ZSWIM3: variants seen among roughly 807,000 people sequenced by gnomAD.
ZSWIM3 encodes zinc finger SWIM domain-containing protein 3.
ZSWIM3 carries 27 observed loss-of-function variants against 47.5 expected under a neutral mutation model. That is an observed-to-expected ratio of 0.57 (90% confidence interval 0.42 to 0.78). The LOEUF (loss-of-function observed/expected upper bound fraction) is 0.78. Ranked by LOEUF, ZSWIM3 falls within the 30% of genes least tolerant of loss-of-function variation. ZSWIM3 has a pLI of 0.00. For missense variants in ZSWIM3, 689 were observed against 861.3 expected, an observed-to-expected ratio of 0.80 and a Z score of 2.50; for synonymous variants, 333 against 333.9, an observed-to-expected ratio of 1.00 and a Z score of 0.03.
In ZSWIM3 at chr20:45,877,037, A is replaced by G; in HGVS notation, c.479A>G (p.Lys160Arg). 1 of 1,614,208 alleles carries G rather than the reference A, an allele frequency of 6.2e-7. No homozygotes were observed. ...CTAGATAAGGTACAAGTGTCCTCAA[A>G]GCCAGAGCAGGAAGGCATCACTCCT... ...FCLDKVQVSS[K>R]PEQEGITPSD... Residue 160 changes from lysine to arginine, a missense_variant, in exon 2 of 2, where the codon AAG becomes AGG. By Grantham distance (26) the Lys-to-Arg change is conservative. Transcript: ENST00000255152.
intron 1 of ZSWIM3, among the ~76,000 whole-genome samples, chr20:45,873,829 A>C (rs61053751): frequency 0.044 from 6,705 of 152,290 alleles, 303 homozygotes; most frequent in South Asian, 0.11. Context: ...CTTATAGATA[A>C]ATGCTATGAA....
intron 1 of ZSWIM3, among the ~76,000 whole-genome samples, chr20:45,871,744 C>T (rs972889328): frequency 6.6e-6 from 1 of 151,066 alleles, no homozygotes; most frequent in Admixed American, 6.6e-5. Flanking sequence ...CACCTGTAAT[C>T]CCAGCTCTTG....
chr20:45,868,369 T>C (rs1265803224), intron 1 of ZSWIM3, among the ~76,000 whole-genome samples: 1 of 152,182 alleles, frequency 6.6e-6, no homozygotes, highest in Non-Finnish European at 1.5e-5. Flanking sequence ...GGCAAAACCA[T>C]CTTTTGTATG....
intron 1 of ZSWIM3, among the ~76,000 whole-genome samples, chr20:45,858,718 G>A (rs1043492276): frequency 6.6e-6 from 1 of 152,060 alleles, no homozygotes; most frequent in Non-Finnish European, 1.5e-5. Flanking sequence ...TATATTAACC[G>A]TTTTCAAACA....
Position 45,857,795 on chromosome 20 carries a change from C to A in ZSWIM3, c.-31C>A. On this transcript the variant is annotated 5_prime_UTR_variant, in exon 1 of 2. Transcript: ENST00000255152. ...GTGTGATCTTGGGCCCGGGCTGGGA[C>A]CAGCCCCTAGTGTGGGTTGTGGGGG... is the stretch of plus-strand genomic sequence containing the variant. 1 of 1,609,420 alleles carries A rather than the reference C, an allele frequency of 6.2e-7. No individual in the cohort carries two copies. Among genetic ancestry groups the A allele is most frequent in the Non-Finnish European group, 8.5e-7 (1 of 1,177,020 alleles).
At chr20:45,858,476 G>A (rs1985604831) in intron 1 of ZSWIM3, among the ~76,000 whole-genome samples, 1 of 152,128 alleles carries the variant, frequency 6.6e-6, no homozygotes, top group Non-Finnish European at 1.5e-5. Flanking sequence ...TCAACTGCTG[G>A]GCTCAAGCGA....
intron 1 of ZSWIM3, among the ~76,000 whole-genome samples, chr20:45,863,185 GTTTGTTTGTTTT>G (rs1985753933): frequency 3.5e-5 from 5 of 144,406 alleles, no homozygotes; most frequent in South Asian, 4.4e-4. Flanking sequence ...TTTTTTGTTT[GTTTGTTTGTTTT>G]TTTGTTTGTT....
At position 45,864,101 on chromosome 20, in the gene ZSWIM3, C is replaced by G. The variant is rs184759051; in HGVS notation, c.155+6121C>G. Among the ~76,000 whole-genome samples the G allele has an allele frequency of 2.9e-3, 443 of 152,322 alleles. 1 individual carries two copies. The highest frequency in any genetic ancestry group is 1.0e-2 in the African/African-American group (415 of 41,558). ...GGGCTCTAATAGTTTTCTAATGTCACTTGTCCATTTTTCCCTCAACAAACT... is the reference window on the plus strand; with the variant it reads ...GGGCTCTAATAGTTTTCTAATGTCAGTTGTCCATTTTTCCCTCAACAAACT... On this transcript the variant is annotated intron_variant, in intron 1 of 1. Transcript: ENST00000255152.
At chr20:45,872,789 T>C (rs1174095956) in intron 1 of ZSWIM3, 2 of 1,289,196 alleles carry the variant, frequency 1.6e-6, no homozygotes, top group Non-Finnish European at 2.0e-6. Context: ...GGCCCAGAGC[T>C]AGAGATGGCA....
At chr20:45,875,035 CTTTTTTTTTT>C (rs35356697) in intron 1 of ZSWIM3, among the ~76,000 whole-genome samples, 9 of 90,542 alleles carry the variant, frequency 9.9e-5, no homozygotes, top group Non-Finnish European at 1.2e-4. Context: ...TTAATTTTAA[CTTTTTTTTTT>C]TTTTTTTTTT....
intron 1 of ZSWIM3, among the ~76,000 whole-genome samples, chr20:45,858,875 G>T (rs777014420): frequency 6.6e-5 from 10 of 152,162 alleles, no homozygotes; most frequent in Non-Finnish European, 1.2e-4. Flanking sequence ...TAAGACAGGA[G>T]TTGAAAACTC....
Position 45,876,823 on chromosome 20 carries a change from G to A in ZSWIM3, c.265G>A (p.Asp89Asn). The change falls in exon 2 of 2, where the codon GAT becomes AAT. Residue 89 changes from aspartate to asparagine, a missense_variant. Asp to Asn is a conservative substitution (Grantham distance 23). Coordinates refer to ENST00000255152, the MANE Select transcript of ZSWIM3 (RefSeq NM_080752.4). ...YLLLRYNERL[D>N]RLFISELNTQ... ...GCTCCTAAGGTACAACGAGAGACTA[G>A]ATAGACTATTTATCAGTGAACTAAA... 6.2e-7 allele frequency: 1 copy of A among 1,614,172 alleles called. No homozygotes were observed.
chr20:45,878,058 G>T lies in ZSWIM3; in HGVS notation c.1500G>T (p.Gln500His). The change falls in exon 2 of 2, where the codon CAG becomes CAT. Residue 500 changes from glutamine to histidine, a missense_variant. By Grantham distance (24) the Gln-to-His change is conservative (BLOSUM62 0). Coordinates refer to ENST00000255152, the MANE Select transcript of ZSWIM3 (RefSeq NM_080752.4). Reference sequence around the variant, plus strand: ...TTGGCATGCTGGACACCTTGCACCAGAGTGGCTCTGAACTAGCCTACAAGC... The same window carrying T: ...TTGGCATGCTGGACACCTTGCACCATAGTGGCTCTGAACTAGCCTACAAGC... The part of the protein sequence containing the change: ...SQVGMLDTLH[Q>H]SGSELAYKLC... 2 of 1,614,188 alleles carry T rather than the reference G, an allele frequency of 1.2e-6. No homozygotes were observed. The highest frequency in any genetic ancestry group is 1.7e-6 in the Non-Finnish European group (2 of 1,180,024).
rs564295332 is a variant in ZSWIM3 at position 45,857,634 on chromosome 20, C to G, written c.-192C>G. On this transcript the variant is annotated 5_prime_UTR_variant, in exon 1 of 2. Transcript: ENST00000255152. ...CCCCTGTCAGATAGCAAATACACCC[C>G]CTTCCTCTTGTAACCCGGTCAGGCC... The G allele has an allele frequency of 4.2e-6, 3 of 714,834 alleles. No homozygotes were observed. Among genetic ancestry groups the G allele is most frequent in the East Asian group, 2.5e-5 (1 of 39,746 alleles). The allele number at this position is 714,834 out of a possible 1,614,324, so 44.3% of individuals were successfully genotyped here.
rs1985565222 is a variant in ZSWIM3 at position 45,857,756 on chromosome 20, AC to A, written c.-68del. The A allele has an allele frequency of 6.4e-7, 1 of 1,562,012 alleles. No homozygotes were observed. The highest frequency in any genetic ancestry group is 8.7e-7 in the Non-Finnish European group (1 of 1,148,564). On this transcript the variant is annotated 5_prime_UTR_variant, in exon 1 of 2. Transcript: ENST00000255152. ...CCTGCCTATAAACCCTCATAGTGTG[AC>A]CTTTGACCCCTGGTGTGATCTTGGG...
In ZSWIM3 at chr20:45,858,084, G is replaced by C; in HGVS notation, c.155+104G>C. On this transcript the variant is annotated intron_variant, in intron 1 of 1. Transcript: ENST00000255152. The stretch of plus-strand genomic sequence containing the variant: ...GGTGCATAGGCACGCATTGGGCTGC[G>C]TGGCCATTCATTCAACAGGCACTCA... The C allele has an allele frequency of 3.1e-6, 4 of 1,278,344 alleles. No individual in the cohort carries two copies. The South Asian group carries it at 5.6e-5, about 18-fold the overall frequency. 79.2% of individuals were successfully genotyped at this position (1,278,344 alleles called of 1,614,324 possible).
intron 1 of ZSWIM3, among the ~76,000 whole-genome samples, chr20:45,865,992 C>CAAAAAAAA (rs377544841): frequency 1.0e-5 from 1 of 98,806 alleles, no homozygotes; most frequent in East Asian, 2.9e-4. Context: ...GACTCTGTCT[C>CAAAAAAAA]AAAAAAAAAA....
chr20:45,867,412 CT>C lies in ZSWIM3; in HGVS notation c.156-9296del, dbSNP rs554656325. Among the ~76,000 whole-genome samples, 4 of 152,228 alleles carry C rather than the reference CT, an allele frequency of 2.6e-5. No homozygotes were observed. The East Asian group carries it at 5.8e-4, about 22-fold the overall frequency. ...ATAAAGCCTAAGGAAGGATTTTGAC[CT>C]TTTTTGTGATTGGCTGTTATACATT... On this transcript the variant is annotated intron_variant, in intron 1 of 1. Coordinates refer to ENST00000255152, the MANE Select transcript of ZSWIM3 (RefSeq NM_080752.4).
chr20:45,878,504 T>C lies in ZSWIM3; in HGVS notation c.1946T>C (p.Val649Ala). Reference sequence around the variant, plus strand: ...CGCTACTCCACCCTGCGCAAGATTGTGGATATCTGGGCTGGCCCCTCCCAG... The same window carrying C: ...CGCTACTCCACCCTGCGCAAGATTGCGGATATCTGGGCTGGCCCCTCCCAG... ...EERYSTLRKI[V>A]DIWAGPSQPS... The change falls in exon 2 of 2, where the codon GTG becomes GCG. Residue 649 changes from valine to alanine, a missense_variant. Transcript: ENST00000255152. 4.3e-6 allele frequency: 7 copies of C among 1,614,212 alleles called. No individual in the cohort carries two copies. Among genetic ancestry groups the C allele is most frequent in the Non-Finnish European group, 5.9e-6 (7 of 1,180,038 alleles).
Sources: allele counts gnomAD v4.1 joint callset (sites outside exome capture counted in the v4.1 genomes callset), GRCh38; gene constraint gnomAD v4.1.1; transcripts MANE v1.5; gene names NCBI Gene and HGNC (gene_info 2026-07-23, HGNC 2026-07-21).